CCDC120: variants seen among roughly 807,000 people sequenced by gnomAD.
CCDC120 encodes coiled-coil domain-containing protein 120.
In CCDC120, 16 loss-of-function variants were observed where a neutral mutation model predicts 37.6. The observed-to-expected ratio is 0.43, with a 90% CI of 0.29 to 0.65. The LOEUF (loss-of-function observed/expected upper bound fraction) is 0.65. CCDC120 is among the 30% of genes least tolerant of loss of function. The probability of loss-of-function intolerance (pLI) is 0.18; values close to 1 mark genes in which losing one functional copy is unlikely to be tolerated. For synonymous variants in CCDC120, 309 were observed against 275.4 expected (o/e 1.12, Z -1.21); for missense variants, 650 against 657.4 (o/e 0.99, Z 0.12).
At chrX:49,058,525 A>G (rs1377010646), upstream of CCDC120, among the ~76,000 whole-genome samples, 2 of 112,289 alleles carry the variant, frequency 1.8e-5, no homozygotes, top group South Asian at 3.6e-4. Flanking sequence ...CCACACCTCT[A>G]TGGCCCAGAT....
chrX:49,057,130 G>C (rs782054582), upstream of CCDC120, among the ~76,000 whole-genome samples: 1 of 111,710 alleles, frequency 9.0e-6, no homozygotes, highest in Non-Finnish European at 1.9e-5. Flanking sequence ...GCTATTAAAA[G>C]TCATGGACCA....
chrX:49,065,253 T>G (rs2064939429), intron 7 of CCDC120, among the ~76,000 whole-genome samples, 155 bp downstream of exon 7: 1 of 111,558 alleles, frequency 9.0e-6, no homozygotes, highest in Non-Finnish European at 1.9e-5. Context: ...TGCTCCATCT[T>G]CCTATGGGTC....
intron 6 of CCDC120, 66 bp from the exon 7 acceptor site, chrX:49,064,970 G>T: frequency 9.1e-7 from 1 of 1,103,185 alleles, no homozygotes; most frequent in South Asian, 1.9e-5. Context: ...TGCCCACCCA[G>T]TGGTGTAAGG....
upstream of CCDC120, among the ~76,000 whole-genome samples, chrX:49,057,653 G>A (rs954565264): frequency 8.9e-6 from 1 of 112,754 alleles, no homozygotes; most frequent in Admixed American, 9.4e-5. Flanking sequence ...AATAGTATGA[G>A]TCTGGGGCAT....
At chrX:49,066,963 G>A (rs1557081340) in intron 9 of CCDC120, 5 of 409,788 alleles carry the variant, frequency 1.2e-5, no homozygotes, top group African/African-American at 2.5e-5. Flanking sequence ...CCTCCCCCAC[G>A]CATTTCTACC....
upstream of CCDC120, among the ~76,000 whole-genome samples, chrX:49,057,225 C>T (rs1557078557): frequency 1.8e-5 from 2 of 112,254 alleles, no homozygotes; most frequent in Non-Finnish European, 3.8e-5. Flanking sequence ...GTTACCCCCA[C>T]AACAGCCCAC....
At chrX:49,055,177 C>T (rs953566709), upstream of CCDC120, among the ~76,000 whole-genome samples, 2 of 112,381 alleles carry the variant, frequency 1.8e-5, no homozygotes, top group East Asian at 2.8e-4. Context: ...ACTGTTCCTA[C>T]GCCCCTGCCC....
Position 49,064,179 on chromosome X carries a change from G to C in CCDC120, c.429+178G>C, listed in dbSNP as rs147877655. Among the ~76,000 whole-genome samples the C allele has an allele frequency of 1.9e-3, 213 of 111,605 alleles. 1 individual carries two copies. Among genetic ancestry groups the C allele is most frequent in the African/African-American group, 6.4e-3 (198 of 30,763 alleles). ...TGAGGGAGGATGCTGGTCCCTAACT[G>C]TCAGGACAGGCCTCCAACCCTAAGG... On this transcript the variant is annotated intron_variant, in intron 5 of 10. Transcript: ENST00000603986.
chrX:49,061,508 A>G (rs1417045852), intron 1 of CCDC120, among the ~76,000 whole-genome samples: 3 of 112,875 alleles, frequency 2.7e-5, no homozygotes, highest in African/African-American at 6.4e-5. Flanking sequence ...TCGATGTTCC[A>G]GGAGGCACAA....
At chrX:49,058,488 G>A (rs782374209), upstream of CCDC120, among the ~76,000 whole-genome samples, 174 of 112,237 alleles carry the variant, frequency 1.6e-3, no homozygotes, top group Middle Eastern at 4.6e-3. Flanking sequence ...GTTTACACCC[G>A]AAGCCTCCCA....
upstream of CCDC120, among the ~76,000 whole-genome samples, chrX:49,057,547 C>T (rs1480416294): frequency 8.9e-6 from 1 of 112,583 alleles, no homozygotes; most frequent in East Asian, 2.8e-4. Flanking sequence ...CCGCCCCAGG[C>T]AGTGAAGTGG....
upstream of CCDC120, among the ~76,000 whole-genome samples, chrX:49,058,044 C>T (rs1383040753): frequency 9.0e-6 from 1 of 111,721 alleles, no homozygotes; most frequent in Non-Finnish European, 1.9e-5. Context: ...GCAGGAGTAG[C>T]CTCTGTCTGC....
rs2064989406 is a variant in CCDC120, at chrX:49,068,748, T to G, written c.*90T>G. 1 of 923,508 alleles carries G rather than the reference T, an allele frequency of 1.1e-6. No homozygotes were observed. The highest frequency in any genetic ancestry group is 5.0e-5 in the Admixed American group (1 of 19,980). 76.1% of individuals were successfully genotyped at this position (923,508 alleles called of 1,213,427 possible). On this transcript the variant is annotated 3_prime_UTR_variant, in exon 11 of 11. Coordinates refer to ENST00000603986, the MANE Select transcript of CCDC120 (RefSeq NM_001163321.4). The stretch of plus-strand genomic sequence containing the variant: ...TCGCTGGGCCCTGGGGTGTGGTTGC[T>G]CTCAGTCCTGAGCAGAGTGCGCCAA...
rs781992941 is a variant in CCDC120 at position 49,065,758 on chromosome X, C to T, written c.974C>T (p.Ser325Leu). Residue 325 changes from serine (S) to leucine (L), a missense_variant, in exon 9 of 11, where the codon TCG becomes TTG. By Grantham distance (145) the Ser-to-Leu change is moderately radical (BLOSUM62 -2). Transcript: ENST00000603986. ...SVASPTSPTR[S>L]LPRSASSFEG... ...CTGTCTCTGTCTAGCCCCACACGCT[C>T]GCTGCCCAGGAGTGCCTCCAGTTTT... 10 of 1,174,298 alleles carry T rather than the reference C, an allele frequency of 8.5e-6. No individual in the cohort carries two copies. The highest frequency in any genetic ancestry group is 3.8e-5 in the South Asian group (2 of 53,103).
At chrX:49,054,029 A>T (rs1297335177), upstream of CCDC120, among the ~76,000 whole-genome samples, 1 of 111,977 alleles carries the variant, frequency 8.9e-6, no homozygotes, top group Non-Finnish European at 1.9e-5. Context: ...CATCTTTTTT[A>T]AACCTCAACC....
chrX:49,064,736 T>C, intron 6 of CCDC120, 72 bp downstream of exon 6: 1 of 1,072,222 alleles, frequency 9.3e-7, no homozygotes, highest in Non-Finnish European at 1.2e-6. Context: ...GATGGGTGAC[T>C]GGCCGGTGAA....
intron 9 of CCDC120, chrX:49,066,973 C>T: frequency 2.3e-6 from 1 of 426,903 alleles, no homozygotes; most frequent in Non-Finnish European, 4.1e-6. Flanking sequence ...GCATTTCTAC[C>T]CCTGACCGCC....
At chrX:49,056,654 G>A (rs1557078440), upstream of CCDC120, among the ~76,000 whole-genome samples, 1 of 104,019 alleles carries the variant, frequency 9.6e-6, no homozygotes, top group African/African-American at 3.5e-5. Context: ...AAAAAATTGC[G>A]TCTGAATACA....
At chrX:49,054,840 T>A (rs1295744642), upstream of CCDC120, among the ~76,000 whole-genome samples, 1 of 111,244 alleles carries the variant, frequency 9.0e-6, no homozygotes, top group Non-Finnish European at 1.9e-5. Context: ...CACTCCTTCC[T>A]GTTCTGTCCC....
Sources: allele counts gnomAD v4.1 joint callset (sites outside exome capture counted in the v4.1 genomes callset), GRCh38; gene constraint gnomAD v4.1.1; transcripts MANE v1.5; gene names NCBI Gene and HGNC (gene_info 2026-07-23, HGNC 2026-07-21).